Variants in CFAP20DC observed in about 807,000 individuals in gnomAD.
CFAP20DC encodes protein CFAP20DC.
CFAP20DC carries 84 observed loss-of-function variants against 101.7 expected under a neutral mutation model. That is an observed-to-expected ratio of 0.83 (90% confidence interval 0.69 to 0.99). The LOEUF is 0.99. CFAP20DC is among the 50% of genes least tolerant of loss of function. The pLI, the probability that CFAP20DC is intolerant of heterozygous loss-of-function variation, is 0.00. For synonymous variants in CFAP20DC, 359 were observed against 351.2 expected (o/e 1.02, Z -0.25); for missense variants, 1,007 against 970.3 (o/e 1.04, Z -0.50).
chr3:58,940,303 A>G (rs189236759), intron 4 of CFAP20DC, among the ~76,000 whole-genome samples: 17 of 152,346 alleles, frequency 1.1e-4, no homozygotes, highest in Admixed American at 2.6e-4. Context: ...AATTTTCATG[A>G]AATATAGTTT....
At chr3:58,845,048 C>A (rs1186211890) in intron 13 of CFAP20DC, among the ~76,000 whole-genome samples, 1 of 137,092 alleles carries the variant, frequency 7.3e-6, no homozygotes, top group Admixed American at 7.2e-5. Flanking sequence ...TAAATGCCCA[C>A]AAGAGAAAGC....
At chr3:59,009,907 T>C (rs1319431344) in intron 4 of CFAP20DC, among the ~76,000 whole-genome samples, 1 of 152,182 alleles carries the variant, frequency 6.6e-6, no homozygotes, top group Non-Finnish European at 1.5e-5. Context: ...GTCTTATCTG[T>C]AGACTCCTTA....
At chr3:58,752,655 T>C (rs932770885) in intron 16 of CFAP20DC, among the ~76,000 whole-genome samples, 6 of 152,142 alleles carry the variant, frequency 3.9e-5, no homozygotes, top group African/African-American at 1.2e-4. Context: ...TAAGTAATTA[T>C]AAATGCACAC....
chr3:58,869,614 T>C lies in CFAP20DC; in HGVS notation c.853-124A>G. ...GAGAAAAAAACTAGAGGAAATGAGG[T>C]TAAGATGTGAAGAAAAAGGAAATTA... is the stretch of plus-strand genomic sequence containing the variant. On this transcript the variant is annotated intron_variant, in intron 8 of 16. Coordinates refer to ENST00000482387, the MANE Select transcript of CFAP20DC (RefSeq NM_001394063.1). The surrounding 1 kb of genome is among the most constrained non-coding windows in gnomAD (Gnocchi z 4.3). 1 of 657,904 alleles carries C rather than the reference T, an allele frequency of 1.5e-6. No homozygotes were observed. The highest frequency in any genetic ancestry group is 3.1e-5 in the East Asian group (1 of 32,702). The allele number at this position is 657,904 out of a possible 1,614,324, so 40.8% of individuals were successfully genotyped here. A position where few individuals can be genotyped will look rare whatever the true frequency, so the allele number is the denominator to read the frequency against.
intron 4 of CFAP20DC, among the ~76,000 whole-genome samples, chr3:58,998,135 C>G (rs1009482555): frequency 2.0e-5 from 3 of 152,162 alleles, no homozygotes; most frequent in Non-Finnish European, 2.9e-5. Context: ...ACGGGCAAGT[C>G]CTTCAAGGTC....
At chr3:58,979,844 A>G (rs114316309) in intron 4 of CFAP20DC, among the ~76,000 whole-genome samples, 1,535 of 151,588 alleles carry the variant, frequency 0.01, 28 homozygotes, top group African/African-American at 0.035. Flanking sequence ...GAGAATCAAT[A>G]TAACAAAAAT....
chr3:58,921,691 G>A (rs919402945), intron 5 of CFAP20DC, among the ~76,000 whole-genome samples: 1 of 152,146 alleles, frequency 6.6e-6, no homozygotes, highest in African/African-American at 2.4e-5. Flanking sequence ...TGAAAATTAT[G>A]TGTATTCTGC....
intron 13 of CFAP20DC, among the ~76,000 whole-genome samples, chr3:58,842,333 C>A (rs1250908712): frequency 2.0e-5 from 3 of 152,106 alleles, no homozygotes; most frequent in Non-Finnish European, 4.4e-5. Context: ...TGAAGCAGGG[C>A]GAGGCATTGC....
At chr3:58,920,602 G>A (rs775454027) in intron 5 of CFAP20DC, among the ~76,000 whole-genome samples, 4 of 151,962 alleles carry the variant, frequency 2.6e-5, no homozygotes, top group East Asian at 1.9e-4. Context: ...ATAATCTTAC[G>A]ATTTTCCCCC....
chr3:58,734,743 C>G (rs2067712543), intron 3 of CFAP20DC, among the ~76,000 whole-genome samples: 1 of 152,180 alleles, frequency 6.6e-6, no homozygotes, highest in Non-Finnish European at 1.5e-5. Flanking sequence ...CCTCTCTTTT[C>G]TGCACCATGT....
chr3:58,792,182 T>C (rs2072913918), intron 15 of CFAP20DC, among the ~76,000 whole-genome samples: 1 of 152,210 alleles, frequency 6.6e-6, no homozygotes, highest in Non-Finnish European at 1.5e-5. Flanking sequence ...CTAGAAAACA[T>C]GCTGAATTCT....
rs913756898 is a variant in CFAP20DC, at chr3:59,001,193, C to A, written c.278+38364G>T. Among the ~76,000 whole-genome samples, 1 of 152,158 alleles carries A rather than the reference C, an allele frequency of 6.6e-6. No individual in the cohort carries two copies. The stretch of plus-strand genomic sequence containing the variant: ...GATTTAAATCAATGGTAAAATAACA[C>A]ACATTGTAAATTATAATTTATGTAC... On this transcript the variant is annotated intron_variant, in intron 4 of 16. Transcript: ENST00000482387. This position sits in a 1 kb window ranked among gnomAD's most constrained non-coding sequence, Gnocchi z 4.5.
At chr3:58,806,008 C>T (rs2107728529) in intron 15 of CFAP20DC, among the ~76,000 whole-genome samples, 1 of 152,276 alleles carries the variant, frequency 6.6e-6, no homozygotes, top group South Asian at 2.1e-4. Context: ...AAACATCAGA[C>T]ACCTATTAAA....
chr3:59,033,261 G>GA (rs1249921241), intron 4 of CFAP20DC, among the ~76,000 whole-genome samples: 2 of 152,134 alleles, frequency 1.3e-5, no homozygotes, highest in Admixed American at 6.5e-5. Context: ...GCAAAAGGCT[G>GA]AAAATTCCAA....
At chr3:58,742,824 T>C (rs925923552) in intron 16 of CFAP20DC, among the ~76,000 whole-genome samples, 1 of 152,062 alleles carries the variant, frequency 6.6e-6, no homozygotes, top group Non-Finnish European at 1.5e-5. Flanking sequence ...TGTGGAGAAC[T>C]GGCAGGAGGG....
rs181440926 is a variant in CFAP20DC at position 58,834,217 on chromosome 3, A to G, written c.1972-2328T>C. Among the ~76,000 whole-genome samples the G allele has an allele frequency of 8.7e-3, 1,321 of 152,256 alleles. 19 individuals are homozygous for G. The highest frequency in any genetic ancestry group is 0.03 in the African/African-American group (1,243 of 41,550). On this transcript the variant is annotated intron_variant, in intron 13 of 16. Coordinates refer to ENST00000482387, the MANE Select transcript of CFAP20DC (RefSeq NM_001394063.1). ...GCATACAAATTATATTTCAATTTAA[A>G]AAAAGGAGTTTGGTAATCAGATGTG... is the stretch of plus-strand genomic sequence containing the variant.
At chr3:58,884,800 A>G in intron 6 of CFAP20DC, 91 bp from the exon 7 acceptor site, 2 of 1,053,234 alleles carry the variant, frequency 1.9e-6, no homozygotes, top group East Asian at 5.0e-5. Flanking sequence ...AAAATTAAAG[A>G]TTTTAGCGTA....
intron 4 of CFAP20DC, chr3:58,953,915 T>G (rs923669376): frequency 2.6e-5 from 4 of 152,184 alleles, no homozygotes; most frequent in Admixed American, 2.0e-4. Context: ...GTTAATACAT[T>G]GTTACATACG....
intron 15 of CFAP20DC, among the ~76,000 whole-genome samples, chr3:58,803,847 TTAAATAAA>T (rs199581682): frequency 6.6e-6 from 1 of 152,256 alleles, no homozygotes; most frequent in African/African-American, 2.4e-5. Context: ...TTAATTTTTC[TTAAATAAA>T]TAAACATTTA....
Sources: gnomAD v4.1 joint callset for allele counts (sites outside exome capture counted in the v4.1 genomes callset) on GRCh38, gnomAD v4.1.1 for gene constraint, Gnocchi (gnomAD v3.1) non-coding constraint, MANE v1.5 for transcripts, NCBI Gene and HGNC (gene_info 2026-07-23, HGNC 2026-07-21) for gene names.